Variants in SPHKAP observed in about 807,000 individuals in gnomAD.
SPHKAP encodes the protein SPHK1 interactor, AKAP domain containing, also known as A-kinase anchor protein SPHKAP.
A neutral mutation model predicts 137.5 loss-of-function variants in SPHKAP; 67 were observed. The observed-to-expected ratio is 0.49, with a 90% CI of 0.40 to 0.60. The LOEUF is 0.60. Among genes scored for constraint, SPHKAP ranks in the 20% least tolerant of loss-of-function variants. The pLI, the probability that SPHKAP is intolerant of heterozygous loss-of-function variation, is 0.00. For missense variants in SPHKAP, 2,097 were observed against 2,069.3 expected, an observed-to-expected ratio of 1.01 and a Z score of -0.26; for synonymous variants, 813 against 785.3, an observed-to-expected ratio of 1.04 and a Z score of -0.59.
chr2:228,108,774 T>C, intron 3 of SPHKAP, 58 bp downstream of exon 3: 1 of 1,218,968 alleles, frequency 8.2e-7, no homozygotes, highest in South Asian at 1.3e-5. Flanking sequence ...TAAACATGGG[T>C]ACATGTGCCC....
chr2:228,117,830 C>CTTTTTT (rs34166785), intron 2 of SPHKAP, among the ~76,000 whole-genome samples: 1 of 138,286 alleles, frequency 7.2e-6, no homozygotes, highest in African/African-American at 2.7e-5. Flanking sequence ...CTTTCCTTTC[C>CTTTTTT]TTTTTTTTTT....
intron 3 of SPHKAP, among the ~76,000 whole-genome samples, chr2:228,081,663 G>A (rs993453623): frequency 4.6e-5 from 7 of 152,184 alleles, no homozygotes; most frequent in Non-Finnish European, 7.3e-5. Flanking sequence ...GATGAACCTG[G>A]AGGATATTAA....
intron 3 of SPHKAP, among the ~76,000 whole-genome samples, chr2:228,072,135 T>C (rs1000941397): frequency 5.3e-5 from 8 of 152,186 alleles, no homozygotes; most frequent in African/African-American, 1.9e-4. Flanking sequence ...ACATTGATCT[T>C]CTACTTTTTG....
At chr2:228,100,326 TC>T (rs1698150665) in intron 3 of SPHKAP, among the ~76,000 whole-genome samples, 1 of 152,190 alleles carries the variant, frequency 6.6e-6, no homozygotes, top group Non-Finnish European at 1.5e-5. Flanking sequence ...GCCTTTTATT[TC>T]TTTCTCTTGC....
At chr2:228,138,616 C>A (rs1413856962) in intron 1 of SPHKAP, among the ~76,000 whole-genome samples, 1 of 152,130 alleles carries the variant, frequency 6.6e-6, no homozygotes, top group Non-Finnish European at 1.5e-5. Flanking sequence ...TATTACCAAA[C>A]CTTGAAAATA....
intron 1 of SPHKAP, among the ~76,000 whole-genome samples, chr2:228,155,234 T>C (rs1456570997): frequency 6.6e-6 from 1 of 152,136 alleles, no homozygotes; most frequent in Non-Finnish European, 1.5e-5. Context: ...ATTTTTTTTT[T>C]TGGGTGAGAC....
At chr2:228,040,378 T>C (rs751523337) in intron 3 of SPHKAP, among the ~76,000 whole-genome samples, 1 of 152,166 alleles carries the variant, frequency 6.6e-6, no homozygotes, top group Non-Finnish European at 1.5e-5. Context: ...CTAAAGAATA[T>C]GACATTTTCT....
In SPHKAP at chr2:228,018,940, G is replaced by T. The variant is rs1173735792; in HGVS notation, c.1914C>A (p.Asp638Glu). Residue 638 changes from aspartate (D) to glutamate (E), a missense_variant, in exon 7 of 12, where the codon GAC (aspartate) becomes GAA (glutamate). By Grantham distance (45) the Asp-to-Glu change is conservative. Coordinates refer to ENST00000392056, the MANE Select transcript of SPHKAP (RefSeq NM_001142644.2). ...TRPNTYSSIG[D>E]FLDSMNRRIM... Reference sequence around the variant, plus strand: ...TTCTCCTGTTCATGGAGTCCAGAAAGTCTCCAATGCTGCTGTAGGTATTAG... The same window carrying T: ...TTCTCCTGTTCATGGAGTCCAGAAATTCTCCAATGCTGCTGTAGGTATTAG... 2 of 1,614,056 alleles carry T rather than the reference G, an allele frequency of 1.2e-6. No homozygotes were observed. Among genetic ancestry groups the T allele is most frequent in the East Asian group, 4.5e-5 (2 of 44,882 alleles).
intron 1 of SPHKAP, among the ~76,000 whole-genome samples, chr2:228,179,581 A>G (rs1291751597): frequency 6.6e-6 from 1 of 152,202 alleles, no homozygotes; most frequent in African/African-American, 2.4e-5. Flanking sequence ...GTGGATTAAG[A>G]AGGCTAATAA....
At position 228,108,885 on chromosome 2, in the gene SPHKAP, T is replaced by A; in HGVS notation, c.193A>T (p.Arg65Trp). 6.2e-7 allele frequency: 1 copy of A among 1,610,482 alleles called. No individual in the cohort carries two copies. Among genetic ancestry groups the A allele is most frequent in the African/African-American group, 1.3e-5 (1 of 74,788 alleles). ...ACAAAACCAATTTGGCAGGGCATCCTCTGATTCTGCAACCAGTAGTCTGTT... is the reference window on the plus strand; with the variant it reads ...ACAAAACCAATTTGGCAGGGCATCCACTGATTCTGCAACCAGTAGTCTGTT... The part of the protein sequence containing the change: ...ESTDYWLQNQ[R>W]MPCQIGFVED... The change falls in exon 3 of 12, where the codon AGG (arginine) becomes TGG (tryptophan). Residue 65 changes from arginine (R) to tryptophan (W), a missense_variant. Coordinates refer to ENST00000392056, the MANE Select transcript of SPHKAP (RefSeq NM_001142644.2).
rs148477834 is a variant in SPHKAP, at chr2:228,075,421, CT to C, written c.246+33410del. Among the ~76,000 whole-genome samples, 11 of 149,260 alleles carry C rather than the reference CT, an allele frequency of 7.4e-5. No homozygotes were observed. In the East Asian group the frequency reaches 1.2e-3, roughly 16 times the overall value. The stretch of plus-strand genomic sequence containing the variant: ...TCTTTGAATTACCAAAGGCTTGCTT[CT>C]TTTTTTTTTCAAAGGCTGACCAGTG... On this transcript the variant is annotated intron_variant, in intron 3 of 11. Transcript: ENST00000392056.
chr2:228,027,612 C>T, intron 3 of SPHKAP, 69 bp from the exon 4 acceptor site: 2 of 1,504,008 alleles, frequency 1.3e-6, no homozygotes, highest in Admixed American at 1.7e-5. Flanking sequence ...AGAAAGAAAG[C>T]AGGAATCAGT....
intron 3 of SPHKAP, among the ~76,000 whole-genome samples, chr2:228,032,019 A>G (rs1695348332): frequency 6.6e-6 from 1 of 152,242 alleles, no homozygotes; most frequent in African/African-American, 2.4e-5. Flanking sequence ...GCAACGGAAC[A>G]AAGCTGGACG....
chr2:228,040,200 G>A (rs890407306), intron 3 of SPHKAP, among the ~76,000 whole-genome samples: 2 of 152,098 alleles, frequency 1.3e-5, no homozygotes, highest in Admixed American at 1.3e-4. Flanking sequence ...CCTTCTTTGA[G>A]CAGCTTCTAA....
At chr2:228,034,397 CA>C in intron 3 of SPHKAP, among the ~76,000 whole-genome samples, 1 of 152,070 alleles carries the variant, frequency 6.6e-6, no homozygotes, top group Non-Finnish European at 1.5e-5. Context: ...AATAGCTTAC[CA>C]ACCAAAAGAA....
In SPHKAP at chr2:227,996,137, C is replaced by CA. The variant is rs1693633634; in HGVS notation, c.4449-444_4449-443insT. On this transcript the variant is annotated intron_variant, in intron 7 of 11. Transcript: ENST00000392056. The stretch of plus-strand genomic sequence containing the variant: ...AGAGGATCATTAGAAAAATACCTAC[C>CA]CCGTTTCTGGTGCTTTTTACCAAGT... 2.5e-5 allele frequency: 25 copies of CA among 985,112 alleles called. No homozygotes were observed. The South Asian group carries it at 9.4e-4, about 37-fold the overall frequency. 61.0% of individuals were successfully genotyped at this position (985,112 alleles called of 1,614,324 possible). A position where few individuals can be genotyped will look rare whatever the true frequency, so the allele number is the denominator to read the frequency against.
intron 7 of SPHKAP, among the ~76,000 whole-genome samples, chr2:227,996,699 C>G (rs1693653702): frequency 6.6e-6 from 1 of 152,158 alleles, no homozygotes; most frequent in South Asian, 2.1e-4. Flanking sequence ...CACCCTCTTC[C>G]TGGGCTTCTT....
chr2:228,064,171 A>C (rs1696750248), intron 3 of SPHKAP, among the ~76,000 whole-genome samples: 1 of 152,128 alleles, frequency 6.6e-6, no homozygotes, highest in Non-Finnish European at 1.5e-5. Flanking sequence ...TCACTCTCCT[A>C]GGCATAGCGA....
At chr2:228,161,426 A>C (rs1274125422) in intron 1 of SPHKAP, among the ~76,000 whole-genome samples, 1 of 152,232 alleles carries the variant, frequency 6.6e-6, no homozygotes, top group Non-Finnish European at 1.5e-5. Context: ...CAGTGAAGAA[A>C]AAAGTTCGTA....
Sources: allele counts gnomAD v4.1 joint callset (sites outside exome capture counted in the v4.1 genomes callset), GRCh38; gene constraint gnomAD v4.1.1; transcripts MANE v1.5; gene names NCBI Gene and HGNC (gene_info 2026-07-23, HGNC 2026-07-21).